Variants in STK25 observed in about 807,000 individuals in gnomAD.
STK25 encodes the protein serine/threonine-protein kinase 25.
Under a neutral mutation model 53.8 loss-of-function variants are expected in STK25, and 29 were observed. The ratio of observed to expected loss-of-function variants is 0.54; its 90% confidence interval spans 0.40 to 0.74. STK25 has a LOEUF of 0.74. STK25 is among the 30% of genes least tolerant of loss of function. The pLI, the probability that STK25 is intolerant of heterozygous loss-of-function variation, is 0.00. For missense variants in STK25, 420 were observed against 568.0 expected (o/e 0.74, Z 2.65); for synonymous variants, 247 against 238.3 (o/e 1.04, Z -0.33).
chr2:241,498,147 C>A, intron 9 of STK25, 88 bp downstream of exon 9: 6 of 1,256,762 alleles, frequency 4.8e-6, no homozygotes, highest in Non-Finnish European at 7.0e-6. Flanking sequence ...AAGCTCCAGA[C>A]ACTGGGTGGA....
chr2:241,493,510 C>A lies in STK25; in HGVS notation c.*2152G>T. The A allele has an allele frequency of 6.6e-7, 1 of 1,521,800 alleles. No individual in the cohort carries two copies. The highest frequency in any genetic ancestry group is 9.1e-7 in the Non-Finnish European group (1 of 1,100,328). 94.3% of individuals were successfully genotyped at this position (1,521,800 alleles called of 1,614,324 possible). ...GATGTCCGCTCAGCTCCCATTTCTA[C>A]TCATGGTGGTGGAGGCAAGTTTTCT... On this transcript the variant is annotated 3_prime_UTR_variant, in exon 12 of 12. Transcript: ENST00000316586.
chr2:241,506,596 C>G (rs920991698), intron 2 of STK25, among the ~76,000 whole-genome samples: 1 of 152,088 alleles, frequency 6.6e-6, no homozygotes, highest in Non-Finnish European at 1.5e-5. Context: ...GGTGAAACTC[C>G]GTCTCTACTA....
At chr2:241,508,839 T>C (rs1040248156), upstream of STK25, 35 of 784,084 alleles carry the variant, frequency 4.5e-5, no homozygotes, top group Non-Finnish European at 5.3e-5. Flanking sequence ...ACGTGGTCGT[T>C]GTCGCGTCGC....
intron 2 of STK25, among the ~76,000 whole-genome samples, chr2:241,506,505 T>C (rs1393630155): frequency 6.6e-6 from 1 of 152,178 alleles, no homozygotes; most frequent in Non-Finnish European, 1.5e-5. Context: ...CGGTGGCTCA[T>C]GCCTGTAATC....
At chr2:241,500,059 C>G (rs765904271) in intron 5 of STK25, 114 bp downstream of exon 5, 2 of 848,974 alleles carry the variant, frequency 2.4e-6, no homozygotes, top group Non-Finnish European at 4.0e-6. Context: ...CCACAAGGTT[C>G]TCTATACTCC....
Position 241,493,158 on chromosome 2 carries a change from G to A in STK25, c.*2504C>T. ...CCCATGCTTTGCCCACACACCCTGT[G>A]CTGTGTGAACAGGGAAACTGGCTCC... On this transcript the variant is annotated 3_prime_UTR_variant, in exon 12 of 12. Transcript: ENST00000316586. The A allele has an allele frequency of 1.7e-6, 2 of 1,175,050 alleles. No homozygotes were observed. Among genetic ancestry groups the A allele is most frequent in the Non-Finnish European group, 2.5e-6 (2 of 796,938 alleles). The allele number at this position is 1,175,050 out of a possible 1,614,324, so 72.8% of individuals were successfully genotyped here.
chr2:241,500,897 C>G (rs1398761129), intron 3 of STK25, 101 bp from the exon 4 acceptor site: 2 of 1,163,150 alleles, frequency 1.7e-6, no homozygotes, highest in Admixed American at 4.4e-5. Context: ...CAGGCCCCAC[C>G]GGTCCCATCC....
chr2:241,508,190 T>G (rs2065968939), intron 1 of STK25, 55 bp from the exon 2 acceptor site: 2 of 1,321,932 alleles, frequency 1.5e-6, no homozygotes, highest in Non-Finnish European at 9.6e-7. Context: ...GAGACCGACC[T>G]CCGGGGCGGC....
rs533776968 is a variant in STK25 at position 241,493,655 on chromosome 2, T to A, written c.*2007A>T. The A allele has an allele frequency of 3.4e-6, 2 of 581,620 alleles. No individual in the cohort carries two copies. Among genetic ancestry groups the A allele is most frequent in the South Asian group, 2.1e-5 (1 of 48,398 alleles). 36.0% of individuals were successfully genotyped at this position (581,620 alleles called of 1,614,324 possible). A position where few individuals can be genotyped will look rare whatever the true frequency, so the allele number is the denominator to read the frequency against. ...TGTCACTCAGGCTGGAGTGCAGTGA[T>A]ACAATCTTGGCTCACTATAACCTGC... On this transcript the variant is annotated 3_prime_UTR_variant, in exon 12 of 12. Transcript: ENST00000316586.
rs1368245103 is a variant in STK25, at chr2:241,492,715, CACTTT to C, written c.*2942_*2946del. The C allele has an allele frequency of 3.8e-6, 2 of 532,588 alleles. No individual in the cohort carries two copies. The highest frequency in any genetic ancestry group is 6.7e-6 in the Non-Finnish European group (2 of 298,640). The allele number at this position is 532,588 out of a possible 1,614,324, so 33.0% of individuals were successfully genotyped here. A position where few individuals can be genotyped will look rare whatever the true frequency, so the allele number is the denominator to read the frequency against. On this transcript the variant is annotated 3_prime_UTR_variant, in exon 12 of 12. Transcript: ENST00000316586. The stretch of plus-strand genomic sequence containing the variant: ...TTATTGTGCACAGGGAAAGGGAACT[CACTTT>C]ACTTGGTGCCTGGAATGTCACTCTA...
At chr2:241,498,405 G>A in intron 8 of STK25, 56 bp from the exon 9 acceptor site, 1 of 1,456,694 alleles carries the variant, frequency 6.9e-7, no homozygotes, top group Non-Finnish European at 9.4e-7. Flanking sequence ...GAGGCATGAG[G>A]GCCTCAGGGC....
chr2:241,508,508 C>A lies in STK25; in HGVS notation c.-166G>T. The A allele has an allele frequency of 2.0e-6, 2 of 1,016,640 alleles. No individual in the cohort carries two copies. Among genetic ancestry groups the A allele is most frequent in the Non-Finnish European group, 2.4e-6 (2 of 848,298 alleles). The allele number at this position is 1,016,640 out of a possible 1,614,324, so 63.0% of individuals were successfully genotyped here. A position where few individuals can be genotyped will look rare whatever the true frequency, so the allele number is the denominator to read the frequency against. On this transcript the variant is annotated 5_prime_UTR_variant, in exon 1 of 12. Transcript: ENST00000316586. ...CAGCGCCCGCGAAGGCTCCCACCCG[C>A]AGCCTCTGTTCGCCCGGGGACCCCG...
In STK25 at chr2:241,507,994, C is replaced by T. The variant is rs369486089; in HGVS notation, c.30+12G>A. The T allele has an allele frequency of 6.3e-6, 10 of 1,598,466 alleles. No homozygotes were observed. Among genetic ancestry groups the T allele is most frequent in the African/African-American group, 1.3e-5 (1 of 74,534 alleles). On this transcript the variant is annotated intron_variant, in intron 2 of 11. Transcript: ENST00000316586. ...AGAGGCCGCTAGTCTTCCTGACCTGCACCCTTCTCACCTGGTTGGCAAATC... is the reference window on the plus strand; with the variant it reads ...AGAGGCCGCTAGTCTTCCTGACCTGTACCCTTCTCACCTGGTTGGCAAATC...
Position 241,493,921 on chromosome 2 carries a change from C to A in STK25, c.*1741G>T. ...CCCAGGTTTTTAACCCTTCTTTTGT[C>A]CTGCTTGTCCCATATCCTGGGTTGT... is the stretch of plus-strand genomic sequence containing the variant. On this transcript the variant is annotated 3_prime_UTR_variant, in exon 12 of 12. Coordinates refer to ENST00000316586, the MANE Select transcript of STK25 (RefSeq NM_001271977.2). The A allele has an allele frequency of 1.2e-6, 1 of 846,732 alleles. No homozygotes were observed. Among genetic ancestry groups the A allele is most frequent in the Non-Finnish European group, 1.7e-6 (1 of 577,796 alleles). The allele number at this position is 846,732 out of a possible 1,614,324, so 52.5% of individuals were successfully genotyped here.
At chr2:241,507,060 C>T (rs1324551680) in intron 2 of STK25, among the ~76,000 whole-genome samples, 2 of 152,192 alleles carry the variant, frequency 1.3e-5, no homozygotes, top group Admixed American at 6.5e-5. Flanking sequence ...CACTGCAGGC[C>T]CAACTCTCCA....
At chr2:241,509,138 A>C (rs1209135323), upstream of STK25, 1 of 152,420 alleles carries the variant, frequency 6.6e-6, no homozygotes, top group Non-Finnish European at 1.5e-5. Context: ...CGCACAGGCC[A>C]GGGCGCACCA....
chr2:241,500,922 G>C, intron 3 of STK25, 126 bp from the exon 4 acceptor site: 2 of 854,532 alleles, frequency 2.3e-6, no homozygotes, highest in South Asian at 1.7e-5. Context: ...CAAGAACCCT[G>C]AACAGGAAAG....
At chr2:241,500,362 A>G in intron 4 of STK25, 81 bp from the exon 5 acceptor site, 2 of 990,560 alleles carry the variant, frequency 2.0e-6, no homozygotes, top group South Asian at 1.4e-5. Context: ...CTCACAGGGA[A>G]GGGCTGTCCC....
chr2:241,507,732 T>C (rs1378139459), intron 2 of STK25, among the ~76,000 whole-genome samples: 1 of 152,212 alleles, frequency 6.6e-6, no homozygotes, highest in Non-Finnish European at 1.5e-5. Flanking sequence ...CGGTGTCTCT[T>C]CACGCACCTC....
Sources: allele counts gnomAD v4.1 joint callset (sites outside exome capture counted in the v4.1 genomes callset), GRCh38; gene constraint gnomAD v4.1.1; transcripts MANE v1.5; gene names NCBI Gene and HGNC (gene_info 2026-07-23, HGNC 2026-07-21).